SCFD2: variants seen among roughly 807,000 people sequenced by gnomAD.
SCFD2 encodes the protein sec1 family domain containing 2.
In SCFD2, 54 loss-of-function variants were observed where a neutral mutation model predicts 58.9. That is an observed-to-expected ratio of 0.92 (90% confidence interval 0.74 to 1.15). SCFD2 has a LOEUF of 1.15. Ranked by LOEUF, SCFD2 falls within the 50% of genes most tolerant of loss-of-function variation. SCFD2 has a pLI of 0.00. For missense variants in SCFD2, 805 were observed against 836.6 expected (o/e 0.96, Z 0.47); for synonymous variants, 321 against 335.9 (o/e 0.96, Z 0.49).
At chr4:53,130,803 T>C (rs1188928637) in intron 5 of SCFD2, among the ~76,000 whole-genome samples, 2 of 152,060 alleles carry the variant, frequency 1.3e-5, no homozygotes, top group African/African-American at 2.4e-5. Context: ...GAGGCAGTTG[T>C]GATAGGAAAG....
At chr4:53,026,466 A>C (rs562195672) in intron 5 of SCFD2, among the ~76,000 whole-genome samples, 13 of 152,334 alleles carry the variant, frequency 8.5e-5, no homozygotes, top group African/African-American at 2.4e-4. Context: ...CCAATTTCCT[A>C]GTGCAGTCCT....
chr4:53,102,396 T>C (rs1302180797), intron 5 of SCFD2, among the ~76,000 whole-genome samples: 1 of 151,962 alleles, frequency 6.6e-6, no homozygotes, highest in Non-Finnish European at 1.5e-5. Flanking sequence ...TTTTTAAAAA[T>C]TGACATATTT....
intron 3 of SCFD2, among the ~76,000 whole-genome samples, chr4:53,299,416 AC>A (rs1264915468): frequency 1.3e-5 from 2 of 152,182 alleles, no homozygotes; most frequent in Non-Finnish European, 2.9e-5. Context: ...AAAGAAACGA[AC>A]AAAGCCTCCA....
At chr4:52,994,520 C>T (rs952867308) in intron 5 of SCFD2, among the ~76,000 whole-genome samples, 2 of 152,268 alleles carry the variant, frequency 1.3e-5, no homozygotes, top group Non-Finnish European at 2.9e-5. Context: ...GATCATCTGG[C>T]CCATTTGACA....
At chr4:52,876,912 CT>C (rs1002131601) in intron 8 of SCFD2, among the ~76,000 whole-genome samples, 6 of 152,098 alleles carry the variant, frequency 3.9e-5, no homozygotes, top group Non-Finnish European at 5.9e-5. Context: ...CCTGCTGTGA[CT>C]TGGTGGTCTC....
At chr4:53,084,856 C>A (rs2148861593) in intron 5 of SCFD2, among the ~76,000 whole-genome samples, 1 of 152,234 alleles carries the variant, frequency 6.6e-6, no homozygotes, top group Admixed American at 6.5e-5. Flanking sequence ...TGATAAGATA[C>A]CTTAAAAAAC....
chr4:53,108,117 T>C (rs1197391564), intron 5 of SCFD2, among the ~76,000 whole-genome samples: 2 of 152,204 alleles, frequency 1.3e-5, no homozygotes, highest in African/African-American at 4.8e-5. Context: ...TGCTCCTGAA[T>C]GACTACTGGG....
At chr4:53,359,254 A>C (rs1734484500) in intron 1 of SCFD2, among the ~76,000 whole-genome samples, 1 of 152,202 alleles carries the variant, frequency 6.6e-6, no homozygotes, top group African/African-American at 2.4e-5. Flanking sequence ...AAGAAATATA[A>C]ATATATAAAT....
chr4:53,184,463 A>G (rs1000893127), intron 4 of SCFD2, among the ~76,000 whole-genome samples: 1 of 152,142 alleles, frequency 6.6e-6, no homozygotes, highest in African/African-American at 2.4e-5. Context: ...TAGACAGCAG[A>G]ACAACAGTAA....
intron 8 of SCFD2, among the ~76,000 whole-genome samples, chr4:52,882,621 C>T (rs1718644187): frequency 6.6e-6 from 1 of 152,200 alleles, no homozygotes; most frequent in South Asian, 2.1e-4. Context: ...AAAGACTAGA[C>T]TGGCTTAGTC....
chr4:53,288,999 A>G (rs12649522), intron 3 of SCFD2, among the ~76,000 whole-genome samples: 35,223 of 152,202 alleles, frequency 0.23, 5,011 homozygotes, highest in Non-Finnish European at 0.31. Context: ...TCAAAAATAT[A>G]AATTGTGGGG....
chr4:53,010,941 A>G (rs1722079890), intron 5 of SCFD2, among the ~76,000 whole-genome samples: 1 of 152,280 alleles, frequency 6.6e-6, no homozygotes, highest in African/African-American at 2.4e-5. Context: ...TCATGCCTTA[A>G]AAGACCAACG....
chr4:53,144,888 C>T (rs1726276292), intron 5 of SCFD2, among the ~76,000 whole-genome samples: 1 of 152,156 alleles, frequency 6.6e-6, no homozygotes, highest in Non-Finnish European at 1.5e-5. Flanking sequence ...GGGCTGCAGA[C>T]AGGTACCCGT....
At chr4:53,030,281 C>T (rs1291190631) in intron 5 of SCFD2, among the ~76,000 whole-genome samples, 1 of 152,120 alleles carries the variant, frequency 6.6e-6, no homozygotes, top group Admixed American at 6.5e-5. Context: ...GTGGTAGCTA[C>T]AAACCTACTG....
At chr4:53,179,449 G>A (rs906564233) in intron 4 of SCFD2, among the ~76,000 whole-genome samples, 13 of 152,274 alleles carry the variant, frequency 8.5e-5, no homozygotes, top group African/African-American at 3.1e-4. Flanking sequence ...ACAAGCAAAT[G>A]CTGAGAGATT....
intron 1 of SCFD2, among the ~76,000 whole-genome samples, chr4:53,358,816 A>T (rs1468775310): frequency 1.3e-5 from 2 of 152,208 alleles, no homozygotes; most frequent in African/African-American, 4.8e-5. Context: ...CAGAATGCTG[A>T]CTTAAATCCT....
At chr4:53,115,048 G>C (rs2148887552) in intron 5 of SCFD2, among the ~76,000 whole-genome samples, 1 of 152,024 alleles carries the variant, frequency 6.6e-6, no homozygotes. Flanking sequence ...TAACCCCAAA[G>C]AACACAGGAA....
At chr4:52,919,190 C>T (rs1311443275) in intron 6 of SCFD2, among the ~76,000 whole-genome samples, 1 of 152,118 alleles carries the variant, frequency 6.6e-6, no homozygotes, top group Non-Finnish European at 1.5e-5. Flanking sequence ...TGAAGTTGGC[C>T]AAATCAGTCA....
chr4:53,324,763 A>G (rs755729287), intron 2 of SCFD2, among the ~76,000 whole-genome samples: 23 of 152,150 alleles, frequency 1.5e-4, no homozygotes, highest in Non-Finnish European at 2.8e-4. Flanking sequence ...GGAGCATAAG[A>G]GCCCAGCAGA....
Sources: gnomAD v4.1 joint callset for allele counts (sites outside exome capture counted in the v4.1 genomes callset) on GRCh38, gnomAD v4.1.1 for gene constraint, MANE v1.5 for transcripts, NCBI Gene and HGNC (gene_info 2026-07-23, HGNC 2026-07-21) for gene names.